Variants in NFYC observed in about 807,000 individuals in gnomAD.
NFYC encodes the protein nuclear transcription factor Y subunit gamma.
NFYC carries 25 observed loss-of-function variants against 53.1 expected under a neutral mutation model. The ratio of observed to expected loss-of-function variants is 0.47; its 90% confidence interval spans 0.34 to 0.66. The LOEUF (loss-of-function observed/expected upper bound fraction) is 0.66, where lower values mean the gene tolerates loss of function less well. NFYC is among the 30% of genes least tolerant of loss of function. The pLI, the probability that NFYC is intolerant of heterozygous loss-of-function variation, is 0.01. For synonymous variants in NFYC, 145 were observed against 152.6 expected (o/e 0.95, Z 0.37); for missense variants, 260 against 422.7 (o/e 0.62, Z 3.38).
Position 40,771,009 on chromosome 1 carries a change from T to C in NFYC, c.*181T>C. On this transcript the variant is annotated 3_prime_UTR_variant, in exon 10 of 10. Coordinates refer to ENST00000447388, the MANE Select transcript of NFYC (RefSeq NM_014223.5). ...GATTCTCCAGCAGAAAGATGCAATA[T>C]TTTTTGTTTCCTTTTTTTCCATTTT... 2 of 630,520 alleles carry C rather than the reference T, an allele frequency of 3.2e-6. No homozygotes were observed. Among genetic ancestry groups the C allele is most frequent in the East Asian group, 5.5e-5 (2 of 36,380 alleles). 39.1% of individuals were successfully genotyped at this position (630,520 alleles called of 1,614,324 possible). A position where few individuals can be genotyped will look rare whatever the true frequency, so the allele number is the denominator to read the frequency against.
At position 40,758,242 on chromosome 1, in the gene NFYC, C is replaced by T. The variant is rs1291271923; in HGVS notation, c.509C>T (p.Thr170Met). The change falls in exon 6 of 10, where the codon ACG (threonine) becomes ATG (methionine). Residue 170 changes from threonine (T) to methionine (M), a missense_variant. Coordinates refer to ENST00000447388, the MANE Select transcript of NFYC (RefSeq NM_014223.5). ...CAAGGCCAGCAGACCACCAGCTCCA[C>T]GACCACCATCCAGCCTGGGCAGATC... ...QQQGQQTTSS[T>M]TTIQPGQIII... The T allele has an allele frequency of 5.0e-6, 8 of 1,613,542 alleles. No individual in the cohort carries two copies. The highest frequency in any genetic ancestry group is 4.5e-5 in the East Asian group (2 of 44,882).
intron 1 of NFYC, among the ~76,000 whole-genome samples, chr1:40,699,099 G>A (rs1001617306): frequency 6.6e-6 from 1 of 152,106 alleles, no homozygotes; most frequent in African/African-American, 2.4e-5. Flanking sequence ...GGGAGGCAGA[G>A]GTTGCAGTGA....
intron 1 of NFYC, among the ~76,000 whole-genome samples, chr1:40,714,380 A>G (rs1333104866): frequency 1.3e-5 from 2 of 152,160 alleles, no homozygotes; most frequent in African/African-American, 4.8e-5. Context: ...TGTATGTTTG[A>G]GTAGTATTTG....
rs11296946 is a variant in NFYC at position 40,704,081 on chromosome 1, GTT to G, written c.-9+12227_-9+12228del. Among the ~76,000 whole-genome samples the G allele has an allele frequency of 0.01, 1,415 of 135,852 alleles. 95 individuals are homozygous for G. The East Asian group carries it at 0.19, about 18-fold the overall frequency. The allele number at this position is 135,852 out of a possible 152,430, so 89.1% of individuals were successfully genotyped here. On this transcript the variant is annotated intron_variant, in intron 1 of 9. Coordinates refer to ENST00000447388, the MANE Select transcript of NFYC (RefSeq NM_014223.5). Reference sequence around the variant, plus strand: ...GGTTTTGTCTCATAGTGATTTAAGTGTTTTTTTTTTTTTTGGAGACAGCTCTG... The same window carrying G: ...GGTTTTGTCTCATAGTGATTTAAGTGTTTTTTTTTTTTGGAGACAGCTCTG...
intron 1 of NFYC, chr1:40,734,931 A>G (rs566822719): frequency 6.6e-6 from 1 of 152,342 alleles, no homozygotes; most frequent in East Asian, 1.9e-4. Context: ...GAATTTATAA[A>G]AAGAGTTTGC....
At chr1:40,731,492 TG>T (rs962380001) in intron 1 of NFYC, among the ~76,000 whole-genome samples, 3 of 149,114 alleles carry the variant, frequency 2.0e-5, no homozygotes, top group Non-Finnish European at 4.5e-5. Context: ...CTTTTTCTTT[TG>T]GCGGGGGCGG....
chr1:40,757,149 C>T, intron 5 of NFYC: 1 of 243,662 alleles, frequency 4.1e-6, no homozygotes. Context: ...ACTCAGCCAG[C>T]CCAAGTGGTT....
chr1:40,727,587 G>A (rs183912754), intron 1 of NFYC, among the ~76,000 whole-genome samples: 1 of 150,328 alleles, frequency 6.7e-6, no homozygotes, highest in Admixed American at 6.7e-5. Flanking sequence ...CTGGAGTGCA[G>A]TGGCACGATT....
intron 1 of NFYC, chr1:40,723,679 T>G (rs1644406519): frequency 6.6e-6 from 1 of 152,224 alleles, no homozygotes; most frequent in African/African-American, 2.4e-5. Context: ...TTCTTTTTTT[T>G]TTGAGACAGG....
intron 1 of NFYC, among the ~76,000 whole-genome samples, chr1:40,693,618 A>G (rs1183839524): frequency 1.3e-5 from 2 of 152,212 alleles, no homozygotes; most frequent in Non-Finnish European, 2.9e-5. Flanking sequence ...TATCGTCCCC[A>G]TATTGCAGAT....
intron 2 of NFYC, among the ~76,000 whole-genome samples, chr1:40,740,210 T>A: frequency 6.6e-6 from 1 of 152,180 alleles, no homozygotes; most frequent in East Asian, 1.9e-4. Context: ...GATGTAGAAT[T>A]AATGTTGCAA....
At chr1:40,767,009 C>T in intron 8 of NFYC, 1 of 1,543,494 alleles carries the variant, frequency 6.5e-7, no homozygotes, top group Non-Finnish European at 8.8e-7. Flanking sequence ...AAATGTTCGA[C>T]AGATCGCCTG....
intron 1 of NFYC, among the ~76,000 whole-genome samples, chr1:40,725,282 A>G (rs1644470091): frequency 6.6e-6 from 1 of 152,152 alleles, no homozygotes. Context: ...CAAGTAGTGA[A>G]GTGTAGGACT....
intron 6 of NFYC, among the ~76,000 whole-genome samples, chr1:40,762,407 A>G (rs1488239014): frequency 6.6e-6 from 1 of 152,062 alleles, no homozygotes; most frequent in Non-Finnish European, 1.5e-5. Flanking sequence ...CCTGTGCTTT[A>G]TTTTTCTCTC....
At position 40,747,255 on chromosome 1, in the gene NFYC, A is replaced by AC. The variant is rs201638111; in HGVS notation, c.106-279_106-278insC. Among the ~76,000 whole-genome samples the AC allele has an allele frequency of 5.8e-4, 88 of 151,774 alleles. 2 individuals are homozygous for AC. In the East Asian group the frequency reaches 0.01, roughly 18 times the overall value. ...TATGTTGTGCTGACGAAAAAAAAAA[A>AC]AAAACAGATATTGCTTGGGGCTGTG... is the stretch of plus-strand genomic sequence containing the variant. On this transcript the variant is annotated intron_variant, in intron 2 of 9. Coordinates refer to ENST00000447388, the MANE Select transcript of NFYC (RefSeq NM_014223.5).
rs1570643914 is a variant in NFYC, at chr1:40,752,279, A to G, written c.292-872A>G. On this transcript the variant is annotated intron_variant, in intron 4 of 9. Coordinates refer to ENST00000447388, the MANE Select transcript of NFYC (RefSeq NM_014223.5). ...TGTTTTTAAGTGCATTGTAAAGTTT[A>G]CTTTGCCCAAATACTTTAACATGCA... Among the ~76,000 whole-genome samples, 4 of 152,344 alleles carry G rather than the reference A, an allele frequency of 2.6e-5. 1 individual carries two copies. The highest frequency in any genetic ancestry group is 2.6e-4 in the Admixed American group (4 of 15,302).
chr1:40,751,835 C>A (rs973922617), intron 4 of NFYC, among the ~76,000 whole-genome samples: 16 of 152,026 alleles, frequency 1.1e-4, no homozygotes, highest in Admixed American at 8.5e-4. Flanking sequence ...TAGATGACAT[C>A]AAAAAATGTG....
chr1:40,740,658 TAAATG>T (rs1243075790), intron 2 of NFYC, among the ~76,000 whole-genome samples: 1 of 152,188 alleles, frequency 6.6e-6, no homozygotes, highest in Non-Finnish European at 1.5e-5. Context: ...AAGGGAGGAA[TAAATG>T]AAATGATAAA....
At chr1:40,727,722 A>C (rs1644584829) in intron 1 of NFYC, among the ~76,000 whole-genome samples, 1 of 151,356 alleles carries the variant, frequency 6.6e-6, no homozygotes, top group Non-Finnish European at 1.5e-5. Flanking sequence ...TAGTAGAGAC[A>C]GGGTTTCACC....
Sources: allele counts gnomAD v4.1 joint callset (sites outside exome capture counted in the v4.1 genomes callset), GRCh38; gene constraint gnomAD v4.1.1; transcripts MANE v1.5; gene names NCBI Gene and HGNC (gene_info 2026-07-23, HGNC 2026-07-21).